The following CRISP2 variants were observed in gnomAD, a reference collection of about 807,000 sequenced individuals.
CRISP2 encodes cysteine-rich secretory protein 2.
A neutral mutation model predicts 31.7 loss-of-function variants in CRISP2; 29 were observed. The observed-to-expected ratio is 0.92, with a 90% CI of 0.68 to 1.25. The LOEUF (loss-of-function observed/expected upper bound fraction) is 1.25, where lower values mean the gene tolerates loss of function less well. CRISP2 is among the 50% of genes most tolerant of loss of function. CRISP2 has a pLI of 0.00. For synonymous variants in CRISP2, 111 were observed against 101.4 expected, an observed-to-expected ratio of 1.09 and a Z score of -0.57; for missense variants, 318 against 286.5, an observed-to-expected ratio of 1.11 and a Z score of -0.79.
At chr6:49,714,019 C>T (rs943734361), upstream of CRISP2, among the ~76,000 whole-genome samples, 5 of 152,158 alleles carry the variant, frequency 3.3e-5, no homozygotes, top group Admixed American at 3.3e-4. Flanking sequence ...ATGTTCTTGT[C>T]CCTCTTCCCC....
intron 5 of CRISP2, 59 bp from the exon 6 acceptor site, chr6:49,699,950 T>G: frequency 7.2e-7 from 1 of 1,397,568 alleles, no homozygotes; most frequent in Non-Finnish European, 1.0e-6. Flanking sequence ...AAACATACAC[T>G]TTATAATCTG....
rs764586743 is a variant in CRISP2, at chr6:49,697,851, T to A, written c.515+9A>T. 1 of 1,610,460 alleles carries A rather than the reference T, an allele frequency of 6.2e-7. No individual in the cohort carries two copies. The highest frequency in any genetic ancestry group is 1.1e-5 in the South Asian group (1 of 90,860). On this transcript the variant is annotated intron_variant, in intron 8 of 9. Coordinates refer to ENST00000339139, the MANE Select transcript of CRISP2 (RefSeq NM_003296.4). ...ATTATTGCCATTAAACTCTAAACAG[T>A]CTACTTACGCAGGACAATATTGGCA...
chr6:49,682,478 CT>C, the CRISP2 span, among the ~76,000 whole-genome samples: 1 of 46,852 alleles, frequency 2.1e-5, no homozygotes. Context: ...CCCTCCCTCC[CT>C]CCCTCCTCCT....
At chr6:49,702,149 ATATATATAT>A (rs1766144226) in intron 4 of CRISP2, among the ~76,000 whole-genome samples, 1 of 33,918 alleles carries the variant, frequency 2.9e-5, no homozygotes, top group Non-Finnish European at 4.5e-5. Context: ...CTATATATAT[ATATATATAT>A]ATATATATAT....
chr6:49,685,548 T>C, the CRISP2 span, among the ~76,000 whole-genome samples: 1 of 152,350 alleles, frequency 6.6e-6, no homozygotes, highest in Admixed American at 6.5e-5. Context: ...CCTTCTCTAA[T>C]AGTGAGAAAC....
Position 49,697,078 on chromosome 6 carries a change from A to G in CRISP2, c.515+782T>C, listed in dbSNP as rs1045780692. 6.6e-5 allele frequency among the ~76,000 whole-genome samples: 10 copies of G among 152,160 alleles called. No homozygotes were observed. In the East Asian group the frequency reaches 1.7e-3, roughly 26 times the overall value. On this transcript the variant is annotated intron_variant, in intron 8 of 9. Transcript: ENST00000339139. ...ACTGGAATCGTACATCATCTTCGCT[A>G]TCTACAGTCTCGAAACAAATCCTGT...
At chr6:49,694,397 T>C (rs762792982) in intron 9 of CRISP2, among the ~76,000 whole-genome samples, 1 of 152,180 alleles carries the variant, frequency 6.6e-6, no homozygotes, top group Non-Finnish European at 1.5e-5. Flanking sequence ...ACTGGGGCAG[T>C]GGATTCCTTT....
At chr6:49,683,529 T>G in the CRISP2 span, among the ~76,000 whole-genome samples, 1 of 149,984 alleles carries the variant, frequency 6.7e-6, no homozygotes, top group Admixed American at 6.7e-5. Context: ...CCGGGCACGG[T>G]GGCAGGCGCC....
At chr6:49,700,045 G>C (rs1026330734) in intron 5 of CRISP2, among the ~76,000 whole-genome samples, 154 bp from the exon 6 acceptor site, 1 of 151,988 alleles carries the variant, frequency 6.6e-6, no homozygotes, top group Non-Finnish European at 1.5e-5. Context: ...TATCTCTTCT[G>C]GTGCCAGTTT....
chr6:49,710,237 G>A (rs966846684), intron 3 of CRISP2, among the ~76,000 whole-genome samples: 1 of 152,064 alleles, frequency 6.6e-6, no homozygotes, highest in Non-Finnish European at 1.5e-5. Flanking sequence ...AAGGGATGAG[G>A]GATGAACAAT....
chr6:49,701,520 A>ACACACACACACACACAG (rs1765716198), intron 4 of CRISP2, among the ~76,000 whole-genome samples: 1 of 128,198 alleles, frequency 7.8e-6, no homozygotes, highest in African/African-American at 3.2e-5. Flanking sequence ...ATATATATAT[A>ACACACACACACACACAG]TATATACACA....
At chr6:49,694,803 G>A (rs571746184) in intron 9 of CRISP2, among the ~76,000 whole-genome samples, 80 of 149,138 alleles carry the variant, frequency 5.4e-4, no homozygotes, top group Non-Finnish European at 9.9e-4. Context: ...GGCCGAACTC[G>A]GCTCACTGCA....
At chr6:49,688,265 T>G (rs1042508802), downstream of CRISP2, among the ~76,000 whole-genome samples, 4 of 152,324 alleles carry the variant, frequency 2.6e-5, no homozygotes, top group African/African-American at 7.2e-5. Context: ...CAGGATTCAG[T>G]TTTCCTTGTA....
chr6:49,692,972 TGTGGGGA>T, intron 9 of CRISP2, 72 bp from the exon 10 acceptor site: 1 of 1,547,148 alleles, frequency 6.5e-7, no homozygotes, highest in Non-Finnish European at 8.9e-7. Flanking sequence ...ATTCAAAGTG[TGTGGGGA>T]GGGGGTAGGA....
intron 9 of CRISP2, among the ~76,000 whole-genome samples, chr6:49,693,925 G>A (rs1764314611): frequency 6.6e-6 from 1 of 151,998 alleles, no homozygotes; most frequent in Admixed American, 6.6e-5. Context: ...CATCTTTCGA[G>A]GGCTGGTCAC....
At chr6:49,684,947 G>A in the CRISP2 span, among the ~76,000 whole-genome samples, 53 of 152,268 alleles carry the variant, frequency 3.5e-4, no homozygotes, top group African/African-American at 1.2e-3. Context: ...CTCCTCTGTA[G>A]CATATCCCCT....
chr6:49,698,431 G>T lies in CRISP2; in HGVS notation c.348C>A (p.Asp116Glu). Residue 116 changes from aspartate (D) to glutamate (E), a missense_variant, in exon 7 of 10, where the codon GAC (aspartate) becomes GAA (glutamate). Asp to Glu is a conservative substitution (Grantham distance 45, BLOSUM62 2). Coordinates refer to ENST00000339139, the MANE Select transcript of CRISP2 (RefSeq NM_003296.4). ...CACCATAGACAAAATCTAGGATCTC[G>T]TCATACCAGCTTTGGATTGCAGAAG... Reference protein sequence around the residue: ...SWSSAIQSWYDEILDFVYGVG... With the variant: ...SWSSAIQSWYEEILDFVYGVG... 6.2e-7 allele frequency: 1 copy of T among 1,613,378 alleles called. No homozygotes were observed. The highest frequency in any genetic ancestry group is 8.5e-7 in the Non-Finnish European group (1 of 1,179,620).
intron 3 of CRISP2, among the ~76,000 whole-genome samples, chr6:49,710,164 T>G (rs969839528): frequency 2.0e-5 from 3 of 152,238 alleles, no homozygotes; most frequent in African/African-American, 7.2e-5. Flanking sequence ...CTTCACTTAC[T>G]GTAAATAGTG....
downstream of CRISP2, among the ~76,000 whole-genome samples, chr6:49,691,067 T>C (rs1368386625): frequency 6.6e-6 from 1 of 152,036 alleles, no homozygotes; most frequent in East Asian, 1.9e-4. Flanking sequence ...TTTAGTCACT[T>C]CTGTTAAGGA....
Sources: gnomAD v4.1 joint callset for allele counts (sites outside exome capture counted in the v4.1 genomes callset) on GRCh38, gnomAD v4.1.1 for gene constraint, MANE v1.5 for transcripts, NCBI Gene and HGNC (gene_info 2026-07-23, HGNC 2026-07-21) for gene names.